PLCL2: variants seen among roughly 807,000 people sequenced by gnomAD.
The protein encoded by PLCL2 is phospholipase C like 2, also known as inactive phospholipase C-like protein 2.
PLCL2 carries 4 observed loss-of-function variants against 79.6 expected under a neutral mutation model. That is an observed-to-expected ratio of 0.05 (90% confidence interval 0.02 to 0.11). The LOEUF (loss-of-function observed/expected upper bound fraction) is 0.11. PLCL2 is among the 10% of genes least tolerant of loss of function. The pLI, the probability that PLCL2 is intolerant of heterozygous loss-of-function variation, is 1.00. For missense variants in PLCL2, 895 were observed against 1,291.0 expected (o/e 0.69, Z 4.70); for synonymous variants, 484 against 457.7 (o/e 1.06, Z -0.73).
chr3:16,943,608 A>G (rs2063574323), intron 1 of PLCL2, among the ~76,000 whole-genome samples: 1 of 152,246 alleles, frequency 6.6e-6, no homozygotes, highest in Non-Finnish European at 1.5e-5. Flanking sequence ...TTTTTAGTCT[A>G]TAGTCATCTT....
At position 17,050,426 on chromosome 3, in the gene PLCL2, GGAGCTCAAAC is replaced by G. The variant is rs1277243487; in HGVS notation, c.3094+7478_3094+7487del. On this transcript the variant is annotated intron_variant, in intron 4 of 5. Coordinates refer to ENST00000615277, the MANE Select transcript of PLCL2 (RefSeq NM_001144382.2). ...AGGAATTAATAACCCGAGTATATAA[GGAGCTCAAAC>G]AACTCTGTAGGAAAAAAAGTCTAAT... Among the ~76,000 whole-genome samples the G allele has an allele frequency of 7.5e-3, 1,144 of 152,126 alleles. 16 individuals are homozygous for G. The highest frequency in any genetic ancestry group is 0.026 in the African/African-American group (1,072 of 41,496).
intron 4 of PLCL2, among the ~76,000 whole-genome samples, chr3:17,052,176 T>A (rs1317213012): frequency 1.4e-5 from 2 of 147,946 alleles, no homozygotes; most frequent in African/African-American, 5.0e-5. Context: ...ACCGTCCAGA[T>A]GTTCACACGA....
intron 5 of PLCL2, among the ~76,000 whole-genome samples, chr3:17,075,628 GATGGT>G (rs1266082236): frequency 6.6e-6 from 1 of 151,248 alleles, no homozygotes; most frequent in Non-Finnish European, 1.5e-5. Flanking sequence ...CCAGCACAAT[GATGGT>G]AGGGCATTGT....
intron 4 of PLCL2, among the ~76,000 whole-genome samples, chr3:17,059,183 T>A (rs1161669504): frequency 6.6e-6 from 1 of 152,020 alleles, no homozygotes; most frequent in Non-Finnish European, 1.5e-5. Context: ...TTATGATACA[T>A]CCTTATAATG....
intron 1 of PLCL2, among the ~76,000 whole-genome samples, chr3:16,937,857 C>G (rs1407354159): frequency 2.0e-5 from 3 of 152,194 alleles, no homozygotes; most frequent in African/African-American, 7.2e-5. Context: ...GTCATGTACT[C>G]AGTCTGTAGC....
In PLCL2 at chr3:16,885,291, C is replaced by T. The variant is rs535992991; in HGVS notation, c.252C>T (p.Thr84=). ...RGPRGVALAP[T]PSAVVCTLPR... ...CCCGCGGCGTTGCGCTCGCCCCGAC[C>T]CCCAGCGCGGTCGTCTGTACCCTCC... Residue 84 remains threonine, a synonymous_variant, in exon 1 of 6, where the codon ACC becomes ACT. Transcript: ENST00000615277. The T allele has an allele frequency of 2.9e-4, 190 of 661,174 alleles. 1 individual carries two copies. The African/African-American group carries it at 2.9e-3, about 10-fold the overall frequency. 41.0% of individuals were successfully genotyped at this position (661,174 alleles called of 1,614,324 possible).
intron 1 of PLCL2, among the ~76,000 whole-genome samples, chr3:16,981,473 C>T (rs1359101024): frequency 3.9e-5 from 6 of 152,074 alleles, no homozygotes; most frequent in Non-Finnish European, 7.4e-5. Flanking sequence ...TCAGTGTTAA[C>T]GGGGCATCAT....
intron 1 of PLCL2, among the ~76,000 whole-genome samples, chr3:16,923,892 T>C (rs1283509916): frequency 6.6e-6 from 1 of 152,200 alleles, no homozygotes; most frequent in Non-Finnish European, 1.5e-5. Context: ...TGAGCCCTTC[T>C]AGTGAAATTT....
In PLCL2 at chr3:16,964,911, T is replaced by C. The variant is rs1164792465; in HGVS notation, c.328-44763T>C. Among the ~76,000 whole-genome samples, 14 of 152,328 alleles carry C rather than the reference T, an allele frequency of 9.2e-5. No homozygotes were observed. In the East Asian group the frequency reaches 2.3e-3, roughly 25 times the overall value. Reference sequence around the variant, plus strand: ...ATTTGTTTGAGTTCATTGTAGATGCTGGATATTAGCCCTTTGTCAGATAAG... The same window carrying C: ...ATTTGTTTGAGTTCATTGTAGATGCCGGATATTAGCCCTTTGTCAGATAAG... On this transcript the variant is annotated intron_variant, in intron 1 of 5. Transcript: ENST00000615277.
At chr3:16,909,788 C>T (rs374403771) in intron 1 of PLCL2, among the ~76,000 whole-genome samples, 7 of 152,162 alleles carry the variant, frequency 4.6e-5, no homozygotes, top group African/African-American at 1.2e-4. Flanking sequence ...TTAGCTTAAA[C>T]GCCATCTTTT....
chr3:16,978,471 T>C (rs2063948389), intron 1 of PLCL2, among the ~76,000 whole-genome samples: 1 of 152,214 alleles, frequency 6.6e-6, no homozygotes. Context: ...GAACTCCTTG[T>C]CTGGTGAGAT....
chr3:17,056,727 T>C (rs891953747), intron 4 of PLCL2, among the ~76,000 whole-genome samples: 18 of 152,050 alleles, frequency 1.2e-4, no homozygotes, highest in African/African-American at 3.6e-4. Flanking sequence ...TTATTGGAGA[T>C]GCAAAAAAAG....
At chr3:16,898,534 G>A (rs1022350513) in intron 1 of PLCL2, among the ~76,000 whole-genome samples, 1 of 152,224 alleles carries the variant, frequency 6.6e-6, no homozygotes, top group African/African-American at 2.4e-5. Flanking sequence ...GAAATAGTGC[G>A]AGAGAAACAG....
intron 1 of PLCL2, among the ~76,000 whole-genome samples, chr3:16,909,885 T>C (rs1378323237): frequency 2.0e-5 from 3 of 152,176 alleles, no homozygotes; most frequent in Admixed American, 2.0e-4. Context: ...ACAATATTGG[T>C]CTGACTGATT....
chr3:17,032,331 G>A (rs1458967150), intron 3 of PLCL2, among the ~76,000 whole-genome samples: 1 of 152,024 alleles, frequency 6.6e-6, no homozygotes, highest in African/African-American at 2.4e-5. Flanking sequence ...TCTAAGTTTG[G>A]TTGTGACTTT....
chr3:16,983,617 T>G (rs2064021309), intron 1 of PLCL2, among the ~76,000 whole-genome samples: 1 of 151,984 alleles, frequency 6.6e-6, no homozygotes, highest in Admixed American at 6.6e-5. Context: ...TTGCAGTGAG[T>G]CGAGAAGAAA....
intron 1 of PLCL2, among the ~76,000 whole-genome samples, chr3:16,933,809 T>TGTAATCC (rs1461273600): frequency 1.3e-5 from 2 of 152,120 alleles, no homozygotes; most frequent in African/African-American, 4.8e-5. Flanking sequence ...GGCTCATGTC[T>TGTAATCC]GTAATCCCAG....
At chr3:16,921,426 A>G (rs1476276084) in intron 1 of PLCL2, among the ~76,000 whole-genome samples, 1 of 152,234 alleles carries the variant, frequency 6.6e-6, no homozygotes, top group Non-Finnish European at 1.5e-5. Context: ...GGTGAATCTC[A>G]CATCCATTCT....
chr3:16,954,204 G>T (rs1317037593), intron 1 of PLCL2, among the ~76,000 whole-genome samples: 1 of 152,108 alleles, frequency 6.6e-6, no homozygotes, highest in East Asian at 1.9e-4. Context: ...AGTCACTGGA[G>T]TGTGATGTTG....
Sources: allele counts gnomAD v4.1 joint callset (sites outside exome capture counted in the v4.1 genomes callset), GRCh38; gene constraint gnomAD v4.1.1; transcripts MANE v1.5; gene names NCBI Gene and HGNC (gene_info 2026-07-23, HGNC 2026-07-21).